The following CCDC171 variants were observed in gnomAD, a reference collection of about 807,000 sequenced individuals.
CCDC171 encodes the protein coiled-coil domain containing 171.
A neutral mutation model predicts 168.2 loss-of-function variants in CCDC171; 177 were observed. The ratio of observed to expected loss-of-function variants is 1.05; its 90% CI spans 0.93 to 1.19. CCDC171 has a LOEUF of 1.19. CCDC171 is among the 50% of genes most tolerant of loss of function. CCDC171 has a pLI of 0.00. For missense variants in CCDC171, 1,991 were observed against 1,539.0 expected (o/e 1.29, Z -4.91); for synonymous variants, 687 against 540.8 (o/e 1.27, Z -3.75).
intron 21 of CCDC171, among the ~76,000 whole-genome samples, chr9:15,840,405 C>G (rs945620424): frequency 1.3e-5 from 2 of 152,086 alleles, no homozygotes; most frequent in South Asian, 2.1e-4. Flanking sequence ...TTTTTTGGAC[C>G]TCCACATAGC....
At chr9:15,784,829 T>C (rs1036036080) in intron 21 of CCDC171, 135 bp downstream of exon 21, 2 of 622,372 alleles carry the variant, frequency 3.2e-6, no homozygotes, top group Non-Finnish European at 5.2e-6. Context: ...GAATGAAACA[T>C]GTTTCTGAGA....
intron 3 of CCDC171, among the ~76,000 whole-genome samples, chr9:15,572,502 C>A (rs1377518086): frequency 6.6e-6 from 1 of 152,044 alleles, no homozygotes; most frequent in Admixed American, 6.6e-5. Flanking sequence ...ACTGCTGGTC[C>A]CAAAGGGTTG....
chr9:15,920,599 T>C (rs141864624), intron 25 of CCDC171, among the ~76,000 whole-genome samples, 177 bp downstream of exon 25: 15 of 151,856 alleles, frequency 9.9e-5, no homozygotes, highest in African/African-American at 3.4e-4. Context: ...AAGCAATTAA[T>C]TTTTTCATTG....
chr9:15,596,859 A>G (rs1329376478), intron 6 of CCDC171, among the ~76,000 whole-genome samples: 1 of 152,160 alleles, frequency 6.6e-6, no homozygotes, highest in African/African-American at 2.4e-5. Flanking sequence ...GAGGTTCTTC[A>G]CATCCCTTGT....
intron 3 of CCDC171, among the ~76,000 whole-genome samples, chr9:16,008,935 C>T (rs927789477): frequency 6.6e-6 from 1 of 152,100 alleles, no homozygotes; most frequent in African/African-American, 2.4e-5. Context: ...ACCTTTTTTT[C>T]ATATAAGCAG....
chr9:15,593,451 C>A (rs140938209), intron 5 of CCDC171, among the ~76,000 whole-genome samples: 14 of 152,146 alleles, frequency 9.2e-5, no homozygotes, highest in Admixed American at 2.0e-4. Flanking sequence ...AATTAAAGTC[C>A]ATACTTAAAT....
chr9:15,874,723 C>T (rs1436980156), intron 24 of CCDC171, 60 bp downstream of exon 24: 1 of 1,419,202 alleles, frequency 7.0e-7, no homozygotes, highest in East Asian at 2.5e-5. Context: ...ATTGCACTAA[C>T]TGGAGAGAAT....
chr9:15,867,068 C>T (rs1400190037), intron 23 of CCDC171, among the ~76,000 whole-genome samples: 1 of 152,014 alleles, frequency 6.6e-6, no homozygotes, highest in Non-Finnish European at 1.5e-5. Context: ...AGCCTAAATT[C>T]AGTTGTCAGA....
intron 8 of CCDC171, among the ~76,000 whole-genome samples, chr9:15,665,678 A>G (rs2048685181): frequency 6.6e-6 from 1 of 152,096 alleles, no homozygotes; most frequent in African/African-American, 2.4e-5. Flanking sequence ...CTACTTGAGA[A>G]GCTGAGGTGG....
chr9:15,749,891 C>G (rs1265234069), intron 18 of CCDC171, among the ~76,000 whole-genome samples: 2 of 151,988 alleles, frequency 1.3e-5, no homozygotes, highest in Non-Finnish European at 2.9e-5. Context: ...AATCAACACC[C>G]TAACATCACA....
chr9:16,088,398 T>G, the CCDC171 span, among the ~76,000 whole-genome samples: 143,933 of 152,254 alleles, frequency 0.95, 68,153 homozygotes, highest in African/African-American at 0.98. Context: ...AAGAAATAAA[T>G]GTATTCAGAT....
At chr9:15,595,975 G>A (rs1325587607) in intron 6 of CCDC171, among the ~76,000 whole-genome samples, 3 of 152,032 alleles carry the variant, frequency 2.0e-5, no homozygotes, top group Admixed American at 1.3e-4. Context: ...CATATCCTTC[G>A]CCCACTTGTT....
chr9:15,569,831 CAAA>C (rs1563957468), intron 2 of CCDC171, among the ~76,000 whole-genome samples: 38 of 111,976 alleles, frequency 3.4e-4, no homozygotes, highest in African/African-American at 1.2e-3. Context: ...AAACAAAAAA[CAAA>C]AAACAAACAA....
intron 7 of CCDC171, among the ~76,000 whole-genome samples, chr9:15,634,183 C>G (rs1227787775): frequency 1.3e-5 from 2 of 150,762 alleles, no homozygotes; most frequent in East Asian, 3.9e-4. Context: ...AATAATAAAA[C>G]AAAAGAAAGC....
chr9:15,844,489 A>T (rs561491244), intron 21 of CCDC171, among the ~76,000 whole-genome samples: 77 of 152,102 alleles, frequency 5.1e-4, no homozygotes, highest in African/African-American at 1.8e-3. Flanking sequence ...CAATCTTAGG[A>T]CCCACTGATG....
At chr9:15,718,172 G>T (rs2053214653) in intron 11 of CCDC171, among the ~76,000 whole-genome samples, 1 of 152,212 alleles carries the variant, frequency 6.6e-6, no homozygotes, top group South Asian at 2.1e-4. Context: ...CTTGGACCTT[G>T]AGTGAGCCTT....
In CCDC171 at chr9:15,744,332, T is replaced by C. The variant is rs766499034; in HGVS notation, c.2109T>C (p.His703=). The stretch of plus-strand genomic sequence containing the variant: ...AATTGAACCATATTGAGAAGTCACA[T>C]GAACAGTTGGTTCTTGAAAATTCGC... The part of the protein sequence containing the change: ...MEKLNHIEKS[H]EQLVLENSHF... Residue 703 remains histidine (H), a synonymous_variant, in exon 17 of 26, where the codon CAT becomes CAC. Coordinates refer to ENST00000380701, the MANE Select transcript of CCDC171 (RefSeq NM_173550.4). 2.4e-5 allele frequency: 38 copies of C among 1,613,224 alleles called. No homozygotes were observed. Among genetic ancestry groups the C allele is most frequent in the Non-Finnish European group, 2.5e-5 (30 of 1,179,708 alleles).
In CCDC171 at chr9:15,631,851, C is replaced by G. The variant is rs995415533; in HGVS notation, c.822+8438C>G. On this transcript the variant is annotated intron_variant, in intron 7 of 25. Transcript: ENST00000380701. ...TCAAGTGGGCTTCATCCCTGGGATG[C>G]AAGGCTGTTTCAATATATGCAAATC... 9.8e-5 allele frequency among the ~76,000 whole-genome samples: 15 copies of G among 152,308 alleles called. No individual in the cohort carries two copies. In the South Asian group the frequency reaches 1.4e-3, roughly 15 times the overall value.
chr9:16,093,948 G>A, the CCDC171 span, among the ~76,000 whole-genome samples: 1 of 152,190 alleles, frequency 6.6e-6, no homozygotes, highest in Admixed American at 6.5e-5. Flanking sequence ...CCCCCACTGA[G>A]TGCTCCCCGT....
Sources: gnomAD v4.1 joint callset for allele counts (sites outside exome capture counted in the v4.1 genomes callset) on GRCh38, gnomAD v4.1.1 for gene constraint, MANE v1.5 for transcripts, NCBI Gene and HGNC (gene_info 2026-07-23, HGNC 2026-07-21) for gene names.